The following CACHD1 variants were observed in gnomAD, a reference collection of about 807,000 sequenced individuals.
CACHD1 encodes the protein VWFA and cache domain-containing protein 1.
A neutral mutation model predicts 138.7 loss-of-function variants in CACHD1; 71 were observed. That is an observed-to-expected ratio of 0.51 (90% CI 0.42 to 0.62). The LOEUF is 0.62. Ranked by LOEUF, CACHD1 falls within the 20% of genes least tolerant of loss-of-function variation. The probability of loss-of-function intolerance (pLI) is 0.00; values close to 1 mark genes in which losing one functional copy is unlikely to be tolerated. For synonymous variants in CACHD1, 578 were observed against 591.5 expected (o/e 0.98, Z 0.33); for missense variants, 1,389 against 1,625.3 (o/e 0.85, Z 2.50).
At position 64,649,086 on chromosome 1, in the gene CACHD1, A is replaced by AT. The variant is rs1199924129; in HGVS notation, c.1390+1060dup. ...TAGCTAGGAACTCTTACAAATACGGATTTTTTTTAAAACTCACGTGTAAAA... is the reference window on the plus strand; with the variant it reads ...TAGCTAGGAACTCTTACAAATACGGATTTTTTTTTAAAACTCACGTGTAAAA... On this transcript the variant is annotated intron_variant, in intron 9 of 26. Coordinates refer to ENST00000651257, the MANE Select transcript of CACHD1 (RefSeq NM_020925.4). 5.9e-5 allele frequency among the ~76,000 whole-genome samples: 9 copies of AT among 152,232 alleles called. No individual in the cohort carries two copies. The South Asian group carries it at 6.2e-4, about 11-fold the overall frequency.
chr1:64,615,892 A>G (rs985344146), intron 4 of CACHD1, among the ~76,000 whole-genome samples: 1 of 152,108 alleles, frequency 6.6e-6, no homozygotes, highest in East Asian at 1.9e-4. Context: ...TACCTCATAA[A>G]CCATTTTATA....
intron 1 of CACHD1, among the ~76,000 whole-genome samples, chr1:64,492,866 A>C (rs1163173329): frequency 1.3e-5 from 2 of 152,146 alleles, no homozygotes; most frequent in Non-Finnish European, 2.9e-5. Flanking sequence ...TTCTCTAGAA[A>C]GATGCCTGTT....
intron 11 of CACHD1, 108 bp from the exon 12 acceptor site, chr1:64,654,578 A>G: frequency 1.4e-6 from 1 of 721,184 alleles, no homozygotes; most frequent in African/African-American, 1.8e-5. Flanking sequence ...CTTCTTTGGT[A>G]TTCGAAATCA....
intron 3 of CACHD1, among the ~76,000 whole-genome samples, chr1:64,602,162 A>C (rs1647222195): frequency 6.6e-6 from 1 of 152,198 alleles, no homozygotes; most frequent in Non-Finnish European, 1.5e-5. Flanking sequence ...CTTTTGCCTT[A>C]TTTGCATGAC....
intron 1 of CACHD1, among the ~76,000 whole-genome samples, chr1:64,485,132 G>GT (rs1646235061): frequency 1.3e-5 from 2 of 152,268 alleles, no homozygotes; most frequent in South Asian, 2.1e-4. Context: ...ACCAATACTT[G>GT]TTTTTTGTTT....
At chr1:64,564,770 G>A (rs1290866950) in intron 2 of CACHD1, among the ~76,000 whole-genome samples, 1 of 152,116 alleles carries the variant, frequency 6.6e-6, no homozygotes, top group African/African-American at 2.4e-5. Flanking sequence ...GCTTTTAATA[G>A]AAGCAAAACT....
At chr1:64,590,902 A>C (rs1477748621) in intron 3 of CACHD1, among the ~76,000 whole-genome samples, 2 of 152,212 alleles carry the variant, frequency 1.3e-5, no homozygotes, top group African/African-American at 4.8e-5. Context: ...TGGGACGTTC[A>C]CTTAACATCT....
At chr1:64,626,451 G>A (rs763947836) in intron 4 of CACHD1, among the ~76,000 whole-genome samples, 1 of 152,198 alleles carries the variant, frequency 6.6e-6, no homozygotes, top group African/African-American at 2.4e-5. Context: ...GATGGAAAAC[G>A]GGAAAGGAGT....
At chr1:64,520,799 T>A (rs1384393697) in intron 1 of CACHD1, among the ~76,000 whole-genome samples, 1 of 152,204 alleles carries the variant, frequency 6.6e-6, no homozygotes, top group Admixed American at 6.5e-5. Flanking sequence ...ATGTGTGCAG[T>A]CCTTTCTGTA....
chr1:64,570,529 C>G (rs190478690), intron 2 of CACHD1, among the ~76,000 whole-genome samples: 2 of 152,092 alleles, frequency 1.3e-5, no homozygotes, highest in East Asian at 1.9e-4. Context: ...AAGGTGTTAG[C>G]GGTGAATCCT....
At chr1:64,632,257 A>G (rs1316189801) in intron 5 of CACHD1, among the ~76,000 whole-genome samples, 1 of 2,540 alleles carries the variant, frequency 3.9e-4, no homozygotes, top group Non-Finnish European at 8.9e-4. Flanking sequence ...CTTTTTTCTG[A>G]AAAAAAAAAA....
chr1:64,606,834 G>C (rs189251877), intron 4 of CACHD1, among the ~76,000 whole-genome samples: 52 of 152,262 alleles, frequency 3.4e-4, no homozygotes, highest in African/African-American at 1.2e-3. Flanking sequence ...TAGGGGACCA[G>C]GTATGTGAGA....
intron 12 of CACHD1, among the ~76,000 whole-genome samples, chr1:64,655,849 A>G (rs1649244229): frequency 6.6e-6 from 1 of 152,220 alleles, no homozygotes; most frequent in African/African-American, 2.4e-5. Flanking sequence ...ATGCAGTCAT[A>G]CATGAGATTT....
chr1:64,541,645 CAAACA>C (rs1010885873), intron 1 of CACHD1, among the ~76,000 whole-genome samples: 6 of 151,700 alleles, frequency 4.0e-5, no homozygotes, highest in Non-Finnish European at 5.9e-5. Context: ...CTGTCTCTAC[CAAACA>C]AAACAAAACA....
chr1:64,684,653 A>G (rs1330993425), intron 26 of CACHD1, among the ~76,000 whole-genome samples: 2 of 152,182 alleles, frequency 1.3e-5, no homozygotes, highest in East Asian at 3.9e-4. Flanking sequence ...TAGCCTAAAT[A>G]TATAGTGTTT....
intron 4 of CACHD1, among the ~76,000 whole-genome samples, chr1:64,614,437 T>TA (rs1243038844): frequency 6.6e-6 from 1 of 152,172 alleles, no homozygotes; most frequent in Non-Finnish European, 1.5e-5. Flanking sequence ...GACACCTGCC[T>TA]ATGGGTTGTT....
intron 2 of CACHD1, among the ~76,000 whole-genome samples, chr1:64,576,946 T>G (rs1360114421): frequency 6.6e-6 from 1 of 151,324 alleles, no homozygotes; most frequent in Non-Finnish European, 1.5e-5. Flanking sequence ...AATTTGATCA[T>G]ATCCCCACCT....
At chr1:64,650,182 A>G (rs924880469) in intron 9 of CACHD1, among the ~76,000 whole-genome samples, 1 of 152,190 alleles carries the variant, frequency 6.6e-6, no homozygotes, top group Non-Finnish European at 1.5e-5. Flanking sequence ...TTGATAATTG[A>G]AAAGTAAGAT....
At chr1:64,638,816 A>T (rs1316617896) in intron 7 of CACHD1, among the ~76,000 whole-genome samples, 1 of 152,224 alleles carries the variant, frequency 6.6e-6, no homozygotes, top group Admixed American at 6.5e-5. Context: ...TGGGTGACTA[A>T]AAAGGGAATA....
Sources: allele counts gnomAD v4.1 joint callset (sites outside exome capture counted in the v4.1 genomes callset), GRCh38; gene constraint gnomAD v4.1.1; transcripts MANE v1.5; gene names NCBI Gene and HGNC (gene_info 2026-07-23, HGNC 2026-07-21).